The following MEI4 variants were observed in gnomAD, a reference collection of about 807,000 sequenced individuals.
The protein encoded by MEI4 is meiotic double-stranded break formation protein 4.
MEI4 carries 27 observed loss-of-function variants against 31.4 expected under a neutral mutation model. That is an observed-to-expected ratio of 0.86 (90% CI 0.63 to 1.19). MEI4 has a LOEUF of 1.19. Ranked by LOEUF, MEI4 falls within the 50% of genes most tolerant of loss-of-function variation. The pLI is 0.00. For synonymous variants in MEI4, 122 were observed against 145.4 expected (o/e 0.84, Z 1.16); for missense variants, 329 against 398.9 (o/e 0.82, Z 1.49).
At chr6:77,782,118 T>G (rs957307256) in intron 3 of MEI4, among the ~76,000 whole-genome samples, 1 of 152,030 alleles carries the variant, frequency 6.6e-6, no homozygotes, top group Non-Finnish European at 1.5e-5. Flanking sequence ...GGAGAGAGGG[T>G]AATGTTGTGG....
At position 77,736,523 on chromosome 6, in the gene MEI4, C is replaced by T. The variant is rs377660049; in HGVS notation, c.233-24607C>T. Among the ~76,000 whole-genome samples the T allele has an allele frequency of 1.9e-3, 286 of 152,152 alleles. 1 individual carries two copies. The highest frequency in any genetic ancestry group is 3.2e-3 in the Non-Finnish European group (219 of 68,010). On this transcript the variant is annotated intron_variant, in intron 2 of 4. Coordinates refer to ENST00000684080, the MANE Select transcript of MEI4 (RefSeq NM_001322247.2). ...AACGGTGCGCGCACACACTGACCTG[C>T]GCCCACTGTCTGGCACTCCCTAATG...
In MEI4 at chr6:77,923,985, CA is replaced by C. The variant is rs1766780031; in HGVS notation, c.*642del. On this transcript the variant is annotated 3_prime_UTR_variant, in exon 5 of 5. Transcript: ENST00000684080. ...GTTTAAAATGTTCTTTGTTTTTCAA[CA>C]AATACTTGTTTCAATTCTGTTAATT... 1 of 151,482 alleles carries C rather than the reference CA, an allele frequency of 6.6e-6. No homozygotes were observed. Among genetic ancestry groups the C allele is most frequent in the South Asian group, 2.1e-4 (1 of 4,816 alleles). 9.4% of individuals were successfully genotyped at this position (151,482 alleles called of 1,614,324 possible). A position where few individuals can be genotyped will look rare whatever the true frequency, so the allele number is the denominator to read the frequency against.
intron 1 of MEI4, among the ~76,000 whole-genome samples, chr6:77,657,926 C>G (rs1768427368): frequency 6.6e-6 from 1 of 152,226 alleles, no homozygotes; most frequent in Admixed American, 6.5e-5. Flanking sequence ...TAGTTTATTT[C>G]TTTGAGTCCT....
intron 1 of MEI4, among the ~76,000 whole-genome samples, chr6:77,678,203 A>C (rs1414624771): frequency 6.6e-6 from 1 of 152,200 alleles, no homozygotes; most frequent in Non-Finnish European, 1.5e-5. Context: ...AGACTCTAGA[A>C]ATTGCGTAAT....
intron 4 of MEI4, among the ~76,000 whole-genome samples, chr6:77,900,806 G>C (rs1339265743): frequency 6.6e-6 from 1 of 151,900 alleles, no homozygotes; most frequent in African/African-American, 2.4e-5. Flanking sequence ...ATGCACAACA[G>C]GTGTCTTGAA....
intron 2 of MEI4, among the ~76,000 whole-genome samples, chr6:77,739,699 G>A (rs757266164): frequency 5.3e-5 from 8 of 151,804 alleles, no homozygotes; most frequent in Non-Finnish European, 1.0e-4. Context: ...AAACCTGCAC[G>A]TTCTGCACAT....
intron 1 of MEI4, among the ~76,000 whole-genome samples, chr6:77,682,453 G>C (rs1485177135): frequency 6.6e-6 from 1 of 152,226 alleles, no homozygotes; most frequent in African/African-American, 2.4e-5. Flanking sequence ...GAAGGGCATA[G>C]TTTGGAGAGA....
chr6:77,780,487 T>C (rs1335134219), intron 3 of MEI4, among the ~76,000 whole-genome samples: 1 of 152,180 alleles, frequency 6.6e-6, no homozygotes, highest in South Asian at 2.1e-4. Context: ...AGCAGCTCTT[T>C]CACTGAATAT....
chr6:77,874,312 T>G (rs923759189), intron 4 of MEI4, among the ~76,000 whole-genome samples: 14 of 152,056 alleles, frequency 9.2e-5, no homozygotes, highest in African/African-American at 1.9e-4. Flanking sequence ...CCTTGAAGAG[T>G]TCCTTCACAT....
intron 3 of MEI4, among the ~76,000 whole-genome samples, chr6:77,824,794 C>CCAA (rs1475288342): frequency 1.3e-5 from 2 of 152,112 alleles, no homozygotes; most frequent in African/African-American, 4.8e-5. Flanking sequence ...GATGTAGTAT[C>CCAA]CAACTCTTTT....
chr6:77,736,536 G>A (rs1767238766), intron 2 of MEI4, among the ~76,000 whole-genome samples: 1 of 152,068 alleles, frequency 6.6e-6, no homozygotes, highest in Admixed American at 6.5e-5. Context: ...CCACTGTCTG[G>A]CACTCCCTAA....
At chr6:77,666,633 A>G (rs978277195) in intron 1 of MEI4, among the ~76,000 whole-genome samples, 1 of 152,222 alleles carries the variant, frequency 6.6e-6, no homozygotes, top group East Asian at 1.9e-4. Context: ...CTGAGGTCAC[A>G]TAGCTGGTAA....
intron 3 of MEI4, among the ~76,000 whole-genome samples, chr6:77,797,758 A>G (rs546719424): frequency 6.6e-6 from 1 of 152,266 alleles, no homozygotes; most frequent in East Asian, 1.9e-4. Context: ...GCTTTGTTCT[A>G]GCCACACTGG....
chr6:77,801,003 T>C (rs1156869116), intron 3 of MEI4, among the ~76,000 whole-genome samples: 1 of 152,088 alleles, frequency 6.6e-6, no homozygotes, highest in Non-Finnish European at 1.5e-5. Context: ...GATGCTGGCC[T>C]CATAAAATGA....
chr6:77,795,832 A>C, intron 3 of MEI4, among the ~76,000 whole-genome samples: 1 of 152,116 alleles, frequency 6.6e-6, no homozygotes, highest in Non-Finnish European at 1.5e-5. Flanking sequence ...ATTCTACCAA[A>C]CATTTACAGT....
chr6:77,916,226 T>C (rs979975099), intron 4 of MEI4, among the ~76,000 whole-genome samples: 2 of 152,042 alleles, frequency 1.3e-5, no homozygotes, highest in Admixed American at 6.6e-5. Flanking sequence ...TTAAAATTGA[T>C]ATTTTGAATT....
intron 2 of MEI4, among the ~76,000 whole-genome samples, chr6:77,691,966 T>C (rs1769165801): frequency 6.6e-6 from 1 of 152,052 alleles, no homozygotes; most frequent in Non-Finnish European, 1.5e-5. Flanking sequence ...ATAAAACTCT[T>C]CCCTGGCTTT....
intron 3 of MEI4, among the ~76,000 whole-genome samples, chr6:77,818,746 T>G (rs1441614699): frequency 1.3e-5 from 2 of 152,150 alleles, no homozygotes; most frequent in African/African-American, 4.8e-5. Flanking sequence ...TTTTTAATAG[T>G]GACAGGGTCT....
intron 2 of MEI4, among the ~76,000 whole-genome samples, chr6:77,692,490 G>C (rs1446984837): frequency 6.6e-6 from 1 of 151,998 alleles, no homozygotes; most frequent in Non-Finnish European, 1.5e-5. Flanking sequence ...GGCTATAGAG[G>C]TGATTTGAGG....
Sources: allele counts gnomAD v4.1 joint callset (sites outside exome capture counted in the v4.1 genomes callset), GRCh38; gene constraint gnomAD v4.1.1; transcripts MANE v1.5; gene names NCBI Gene and HGNC (gene_info 2026-07-23, HGNC 2026-07-21).